The following CSMD1 variants were observed in gnomAD, a reference collection of about 807,000 sequenced individuals.
CSMD1 encodes CUB and sushi domain-containing protein 1.
A neutral mutation model predicts 417.5 loss-of-function variants in CSMD1; 213 were observed. The observed-to-expected ratio is 0.51, with a 90% CI of 0.46 to 0.57. The LOEUF (loss-of-function observed/expected upper bound fraction) is 0.57. Among genes scored for constraint, CSMD1 ranks in the 20% least tolerant of loss-of-function variants. CSMD1 has a pLI of 0.00. For missense variants in CSMD1, 6,923 were observed against 4,529.7 expected (o/e 1.53, Z -15.17); for synonymous variants, 2,862 against 1,736.8 (o/e 1.65, Z -16.11).
chr8:3,873,412 A>C (rs1210353717), intron 5 of CSMD1, among the ~76,000 whole-genome samples: 1 of 152,168 alleles, frequency 6.6e-6, no homozygotes, highest in Admixed American at 6.6e-5. Context: ...AGGCACATGG[A>C]TGGAACTGGA....
chr8:4,469,544 T>A (rs1800399077), intron 2 of CSMD1, among the ~76,000 whole-genome samples: 2 of 152,298 alleles, frequency 1.3e-5, no homozygotes, highest in South Asian at 4.1e-4. Context: ...CTCTTCTCAA[T>A]TAACGGCAAA....
chr8:3,313,810 A>C (rs1480916645), intron 23 of CSMD1, among the ~76,000 whole-genome samples: 3 of 152,286 alleles, frequency 2.0e-5, no homozygotes, highest in South Asian at 2.1e-4. Context: ...TCTATAAGGA[A>C]ACATGCACAC....
chr8:3,434,901 T>C (rs1313958218), intron 12 of CSMD1, among the ~76,000 whole-genome samples: 1 of 152,230 alleles, frequency 6.6e-6, no homozygotes, highest in Non-Finnish European at 1.5e-5. Flanking sequence ...GGAATACTTG[T>C]GATTGGTTTA....
intron 5 of CSMD1, among the ~76,000 whole-genome samples, chr8:3,956,107 C>G (rs1264968966): frequency 6.6e-6 from 1 of 152,188 alleles, no homozygotes; most frequent in Non-Finnish European, 1.5e-5. Flanking sequence ...GGTTTCCTTT[C>G]TAACCCTTTT....
intron 3 of CSMD1, among the ~76,000 whole-genome samples, chr8:4,311,887 T>C (rs71502983): frequency 0.12 from 18,979 of 151,918 alleles, 1,588 homozygotes; most frequent in African/African-American, 0.24. Context: ...GGTGATCAAA[T>C]AATACATGCA....
chr8:4,350,758 C>T (rs1050343394), intron 3 of CSMD1, among the ~76,000 whole-genome samples: 1 of 152,182 alleles, frequency 6.6e-6, no homozygotes, highest in African/African-American at 2.4e-5. Flanking sequence ...CCAGTGGCAG[C>T]TGATTGAATT....
At chr8:3,927,460 T>C (rs955544555) in intron 5 of CSMD1, among the ~76,000 whole-genome samples, 1 of 151,626 alleles carries the variant, frequency 6.6e-6, no homozygotes, top group Non-Finnish European at 1.5e-5. Context: ...AGGTCAGGAG[T>C]TTGGGACCAC....
chr8:4,008,735 T>C (rs2740959), intron 4 of CSMD1, among the ~76,000 whole-genome samples: 95,221 of 150,594 alleles, frequency 0.63, 30,263 homozygotes, highest in South Asian at 0.7. Flanking sequence ...CTCAGCCTCC[T>C]GAGTAGCTGG....
chr8:4,973,826 G>T (rs1180070885), intron 1 of CSMD1, among the ~76,000 whole-genome samples: 1 of 152,128 alleles, frequency 6.6e-6, no homozygotes, highest in Non-Finnish European at 1.5e-5. Flanking sequence ...CTGAGTATAG[G>T]TATAGGAAAA....
intron 12 of CSMD1, among the ~76,000 whole-genome samples, chr8:3,418,790 T>C (rs145652799): frequency 4.8e-4 from 73 of 152,244 alleles, no homozygotes; most frequent in Non-Finnish European, 8.8e-4. Context: ...TGTCAGACCA[T>C]AGTAGGAAAT....
intron 3 of CSMD1, among the ~76,000 whole-genome samples, chr8:4,335,971 G>A (rs1473411206): frequency 2.6e-5 from 4 of 152,096 alleles, no homozygotes; most frequent in Non-Finnish European, 5.9e-5. Flanking sequence ...ACAGATACAT[G>A]AGACTATAGG....
At chr8:3,004,490 C>A (rs1807701729) in intron 52 of CSMD1, among the ~76,000 whole-genome samples, 2 of 152,134 alleles carry the variant, frequency 1.3e-5, no homozygotes, top group African/African-American at 4.8e-5. Flanking sequence ...GTAATCTGAA[C>A]CCAGCAGGAC....
intron 12 of CSMD1, among the ~76,000 whole-genome samples, chr8:3,459,407 T>C (rs1160596108): frequency 6.6e-6 from 1 of 152,114 alleles, no homozygotes; most frequent in Non-Finnish European, 1.5e-5. Flanking sequence ...TTCCTTGCAA[T>C]GCAGCACCAG....
Position 4,076,652 on chromosome 8 carries a change from C to A in CSMD1, c.416-44553G>T, listed in dbSNP as rs943737123. Among the ~76,000 whole-genome samples the A allele has an allele frequency of 2.6e-5, 4 of 152,172 alleles. No individual in the cohort carries two copies. The East Asian group carries it at 5.8e-4, about 22-fold the overall frequency. ...CTTTATTATAAGGATTATTCTCTAA[C>A]AAGGCCTTATGCATCGTGCTCCAAA... is the stretch of plus-strand genomic sequence containing the variant. On this transcript the variant is annotated intron_variant, in intron 3 of 69. Coordinates refer to ENST00000635120, the MANE Select transcript of CSMD1 (RefSeq NM_033225.6).
chr8:3,861,192 C>A (rs1035561921), intron 5 of CSMD1, among the ~76,000 whole-genome samples: 1 of 152,138 alleles, frequency 6.6e-6, no homozygotes, highest in African/African-American at 2.4e-5. Flanking sequence ...TGTTTCTTGG[C>A]AACGAGGTTC....
At chr8:4,244,399 C>G (rs1802577403) in intron 3 of CSMD1, among the ~76,000 whole-genome samples, 1 of 151,982 alleles carries the variant, frequency 6.6e-6, no homozygotes, top group Non-Finnish European at 1.5e-5. Flanking sequence ...GTTAATAGAT[C>G]TTCATAAAAC....
At chr8:4,264,141 C>G (rs143652925) in intron 3 of CSMD1, among the ~76,000 whole-genome samples, 1 of 152,130 alleles carries the variant, frequency 6.6e-6, no homozygotes, top group East Asian at 1.9e-4. Context: ...GAATACAACA[C>G]CTACTACTCA....
At chr8:4,371,445 G>A (rs78279477) in intron 3 of CSMD1, among the ~76,000 whole-genome samples, 1 of 152,276 alleles carries the variant, frequency 6.6e-6, no homozygotes, top group Admixed American at 6.5e-5. Context: ...GGAGGAAATG[G>A]AGCAGAGGGC....
intron 2 of CSMD1, among the ~76,000 whole-genome samples, chr8:4,449,682 G>C (rs1017506204): frequency 1.3e-5 from 2 of 152,110 alleles, no homozygotes; most frequent in African/African-American, 4.8e-5. Flanking sequence ...GAATGGGATG[G>C]GAAGAGAGGG....
Sources: gnomAD v4.1 joint callset for allele counts (sites outside exome capture counted in the v4.1 genomes callset) on GRCh38, gnomAD v4.1.1 for gene constraint, MANE v1.5 for transcripts, NCBI Gene and HGNC (gene_info 2026-07-23, HGNC 2026-07-21) for gene names.